Variants in BCL6B observed in about 807,000 individuals in gnomAD.
BCL6B encodes B-cell CLL/lymphoma 6 member B protein.
Under a neutral mutation model 44.6 loss-of-function variants are expected in BCL6B, and 28 were observed. The ratio of observed to expected loss-of-function variants is 0.63; its 90% CI spans 0.47 to 0.86. The LOEUF (loss-of-function observed/expected upper bound fraction) is 0.86. Ranked by LOEUF, BCL6B falls within the 40% of genes least tolerant of loss-of-function variation. The pLI, the probability that BCL6B is intolerant of heterozygous loss-of-function variation, is 0.00. For synonymous variants in BCL6B, 268 were observed against 263.6 expected, an observed-to-expected ratio of 1.02 and a Z score of -0.16; for missense variants, 626 against 652.3, an observed-to-expected ratio of 0.96 and a Z score of 0.44.
Position 7,023,847 on chromosome 17 carries a change from G to C in BCL6B, c.176G>C (p.Cys59Ser). The change falls in exon 2 of 9, where the codon TGC becomes TCC. Residue 59 changes from cysteine (C) to serine (S), a missense_variant. By Grantham distance (112) the Cys-to-Ser change is moderately radical (BLOSUM62 -1). Coordinates refer to ENST00000293805, the MANE Select transcript of BCL6B (RefSeq NM_181844.4). The part of the protein sequence containing the change: ...LRAHKAVLIA[C>S]SGFFYSIFRG... Reference sequence around the variant, plus strand: ...GCACACAAGGCAGTTCTCATCGCCTGCAGGTTCGAGGGGTGGGGCCTGGGG... The same window carrying C: ...GCACACAAGGCAGTTCTCATCGCCTCCAGGTTCGAGGGGTGGGGCCTGGGG... 1 of 1,610,954 alleles carries C rather than the reference G, an allele frequency of 6.2e-7. No individual in the cohort carries two copies. The highest frequency in any genetic ancestry group is 8.5e-7 in the Non-Finnish European group (1 of 1,178,352).
Position 7,028,289 on chromosome 17 carries a change from T to C in BCL6B, c.*670T>C. Reference sequence around the variant, plus strand: ...GGGCAGCTCTGGGAACATGCGGGATTGTGGAATTGGGTCAGGAACCCTCTC... The same window carrying C: ...GGGCAGCTCTGGGAACATGCGGGATCGTGGAATTGGGTCAGGAACCCTCTC... On this transcript the variant is annotated 3_prime_UTR_variant, in exon 9 of 9. Transcript: ENST00000293805. The C allele has an allele frequency of 1.0e-6, 1 of 985,504 alleles. No homozygotes were observed. Among genetic ancestry groups the C allele is most frequent in the Non-Finnish European group, 1.2e-6 (1 of 830,002 alleles). The allele number at this position is 985,504 out of a possible 1,614,324, so 61.0% of individuals were successfully genotyped here. A position where few individuals can be genotyped will look rare whatever the true frequency, so the allele number is the denominator to read the frequency against.
At chr17:7,026,664 C>T in intron 6 of BCL6B, 41 bp from the exon 7 acceptor site, 1 of 1,614,154 alleles carries the variant, frequency 6.2e-7, no homozygotes, top group Non-Finnish European at 8.5e-7. Flanking sequence ...CACAGCTGTC[C>T]TAGGGCAAAG....
chr17:7,025,719 C>A (rs1416298545), intron 5 of BCL6B, among the ~76,000 whole-genome samples: 2 of 151,102 alleles, frequency 1.3e-5, no homozygotes, highest in African/African-American at 4.9e-5. Context: ...CACCTGTAGT[C>A]CCAGCTACTC....
chr17:7,025,110 T>C lies in BCL6B; in HGVS notation c.799T>C (p.Cys267Arg). The change falls in exon 5 of 9, where the codon TGT becomes CGT. Residue 267 changes from cysteine (C) to arginine (R), a missense_variant. By Grantham distance (180) the Cys-to-Arg change is radical (BLOSUM62 -3). Transcript: ENST00000293805. The part of the protein sequence containing the change: ...SPTAATVQFK[C>R]GAPASTPYLL... ...AACTGCTGCCACTGTGCAGTTCAAA[T>C]GTGGGGCTCCAGCCAGTACCCCCTA... is the stretch of plus-strand genomic sequence containing the variant. 6.2e-7 allele frequency: 1 copy of C among 1,614,106 alleles called. No individual in the cohort carries two copies. Among genetic ancestry groups the C allele is most frequent in the South Asian group, 1.1e-5 (1 of 91,076 alleles).
chr17:7,023,635 A>T (rs1910188727), intron 1 of BCL6B, 25 bp from the exon 2 acceptor site: 1 of 1,587,710 alleles, frequency 6.3e-7, no homozygotes, highest in Non-Finnish European at 8.6e-7. Context: ...GCCTGGATCC[A>T]GAGCACTTTC....
chr17:7,028,668 G>T lies in BCL6B; in HGVS notation c.*1049G>T. ...TTAGCACTGAGTTGATCGCTCCATG[G>T]GGGAGAGATCAGACATTCCTTATCA... On this transcript the variant is annotated 3_prime_UTR_variant, in exon 9 of 9. Transcript: ENST00000293805. 2.0e-6 allele frequency: 2 copies of T among 985,400 alleles called. No homozygotes were observed. The highest frequency in any genetic ancestry group is 2.4e-6 in the Non-Finnish European group (2 of 829,934). 61.0% of individuals were successfully genotyped at this position (985,400 alleles called of 1,614,324 possible). A position where few individuals can be genotyped will look rare whatever the true frequency, so the allele number is the denominator to read the frequency against.
At chr17:7,025,540 G>GA (rs1307466481) in intron 5 of BCL6B, among the ~76,000 whole-genome samples, 1 of 152,142 alleles carries the variant, frequency 6.6e-6, no homozygotes, top group African/African-American at 2.4e-5. Context: ...TGCAAGTGAG[G>GA]AGGAGATTTT....
intron 5 of BCL6B, 43 bp from the exon 6 acceptor site, chr17:7,026,414 C>G (rs1910287205): frequency 6.2e-7 from 1 of 1,605,078 alleles, no homozygotes; most frequent in Non-Finnish European, 8.5e-7. Context: ...CTAGATAGCC[C>G]TCATTAATAA....
At position 7,026,451 on chromosome 17, in the gene BCL6B, TC is replaced by T; in HGVS notation, c.890-3del. On this transcript the variant is annotated splice_polypyrimidine_tract_variant and splice_region_variant and intron_variant, in intron 5 of 8. Coordinates refer to ENST00000293805, the MANE Select transcript of BCL6B (RefSeq NM_181844.4). ...TATGGTTGCCGTCACCCATTCCCCT[TC>T]CCAGGAAGTGAATTTTTCAGCTGCC... The T allele has an allele frequency of 1.9e-6, 3 of 1,613,590 alleles. No homozygotes were observed. The highest frequency in any genetic ancestry group is 2.5e-6 in the Non-Finnish European group (3 of 1,179,656).
At chr17:7,025,004 A>G (rs1301236064) in intron 4 of BCL6B, 72 bp from the exon 5 acceptor site, 6 of 1,565,660 alleles carry the variant, frequency 3.8e-6, no homozygotes, top group Admixed American at 1.9e-5. Context: ...TTTGGCTCCA[A>G]ATTTCCCAGG....
chr17:7,023,505 G>T, intron 1 of BCL6B, 155 bp from the exon 2 acceptor site: 4 of 712,562 alleles, frequency 5.6e-6, no homozygotes. Context: ...GTAGAGGGCA[G>T]AATGAACAAG....
intron 5 of BCL6B, among the ~76,000 whole-genome samples, chr17:7,026,185 G>A (rs911930217): frequency 2.0e-5 from 3 of 152,156 alleles, no homozygotes; most frequent in African/African-American, 4.8e-5. Context: ...CTCCCAAAGT[G>A]CTGGGATTAC....
rs1261741412 is a variant in BCL6B at position 7,028,920 on chromosome 17, C to A, written c.*1301C>A. On this transcript the variant is annotated 3_prime_UTR_variant, in exon 9 of 9. Coordinates refer to ENST00000293805, the MANE Select transcript of BCL6B (RefSeq NM_181844.4). ...TCTGGCAAGTGTCCAGATGCCAGAA[C>A]CTTCTTTTCCTCTAGAAGGGATGGT... 2.2e-5 allele frequency: 22 copies of A among 985,312 alleles called. No homozygotes were observed. The highest frequency in any genetic ancestry group is 6.2e-5 in the Admixed American group (1 of 16,258). 61.0% of individuals were successfully genotyped at this position (985,312 alleles called of 1,614,324 possible). A position where few individuals can be genotyped will look rare whatever the true frequency, so the allele number is the denominator to read the frequency against.
rs549766671 is a variant in BCL6B, at chr17:7,028,454, G to C, written c.*835G>C. On this transcript the variant is annotated 3_prime_UTR_variant, in exon 9 of 9. Coordinates refer to ENST00000293805, the MANE Select transcript of BCL6B (RefSeq NM_181844.4). ...AATGCCTCCTGGAGGCTGTGGGTGTGGGGGATTCTGTATCTGGATTCCGTA... is the reference window on the plus strand; with the variant it reads ...AATGCCTCCTGGAGGCTGTGGGTGTCGGGGATTCTGTATCTGGATTCCGTA... 2 of 985,844 alleles carry C rather than the reference G, an allele frequency of 2.0e-6. No homozygotes were observed. The highest frequency in any genetic ancestry group is 3.5e-5 in the African/African-American group (2 of 57,230). The allele number at this position is 985,844 out of a possible 1,614,324, so 61.1% of individuals were successfully genotyped here.
Position 7,024,347 on chromosome 17 carries a change from A to G in BCL6B, c.401+43A>G, listed in dbSNP as rs768497487. 52 of 1,613,390 alleles carry G rather than the reference A, an allele frequency of 3.2e-5. No homozygotes were observed. In the African/African-American group the frequency reaches 6.3e-4, roughly 19 times the overall value. ...GGCGTTCTCTGTGGGTGAGGTGTTA[A>G]GGGCAAAGGCAGAGTTTAGGAAATG... On this transcript the variant is annotated intron_variant, in intron 3 of 8. Transcript: ENST00000293805. This position sits in a 1 kb window ranked among gnomAD's most constrained non-coding sequence, Gnocchi z 6.6.
rs766065178 is a variant in BCL6B, at chr17:7,027,659, G to T, written c.*40G>T. 6.2e-7 allele frequency: 1 copy of T among 1,610,246 alleles called. No individual in the cohort carries two copies. Among genetic ancestry groups the T allele is most frequent in the East Asian group, 2.2e-5 (1 of 44,884 alleles). ...AGGCCCCACTTGCTTCCTGCGGGTG[G>T]GAAAGCTGCAGGCCCAGGCCTTGCT... On this transcript the variant is annotated 3_prime_UTR_variant, in exon 9 of 9. Transcript: ENST00000293805.
intron 7 of BCL6B, 46 bp from the exon 8 acceptor site, chr17:7,026,904 G>A: frequency 6.2e-7 from 1 of 1,611,128 alleles, no homozygotes; most frequent in Non-Finnish European, 8.5e-7. Context: ...AATAGGGAGG[G>A]TTCTGTTCCT....
Position 7,024,969 on chromosome 17 carries a change from T to C in BCL6B, c.765-107T>C. ...GGATGTGGCTCATTGGTCAACAATATTGGCTCACCCTGAGAGGGCAGGCCT... is the reference window on the plus strand; with the variant it reads ...GGATGTGGCTCATTGGTCAACAATACTGGCTCACCCTGAGAGGGCAGGCCT... On this transcript the variant is annotated intron_variant, in intron 4 of 8. Coordinates refer to ENST00000293805, the MANE Select transcript of BCL6B (RefSeq NM_181844.4). This position sits in a 1 kb window ranked among gnomAD's most constrained non-coding sequence, Gnocchi z 6.6. 1.3e-6 allele frequency: 2 copies of C among 1,520,522 alleles called. No homozygotes were observed. The highest frequency in any genetic ancestry group is 1.3e-5 in the South Asian group (1 of 78,368). The allele number at this position is 1,520,522 out of a possible 1,614,324, so 94.2% of individuals were successfully genotyped here.
At chr17:7,027,441 G>A (rs895938878) in intron 8 of BCL6B, 62 bp from the exon 9 acceptor site, 50 of 1,587,466 alleles carry the variant, frequency 3.1e-5, no homozygotes, top group Non-Finnish European at 3.5e-5. Context: ...ACGGCCGCCC[G>A]GCTCAACACC....
Sources: gnomAD v4.1 joint callset for allele counts (sites outside exome capture counted in the v4.1 genomes callset) on GRCh38, gnomAD v4.1.1 for gene constraint, Gnocchi (gnomAD v3.1) non-coding constraint, MANE v1.5 for transcripts, NCBI Gene and HGNC (gene_info 2026-07-23, HGNC 2026-07-21) for gene names.